KGD4: variants seen among roughly 807,000 people sequenced by gnomAD.
KGD4 encodes the protein alpha-ketoglutarate dehydrogenase component 4.
the KGD4 span, chr5:69,217,940 G>C: frequency 1.2e-6 from 2 of 1,612,544 alleles, no homozygotes; most frequent in East Asian, 2.2e-5. Flanking sequence ...GACGGCGTCG[G>C]GGAGTAAAGG....
At chr5:69,228,061 G>T in the KGD4 span, 2 of 659,672 alleles carry the variant, frequency 3.0e-6, no homozygotes, top group Non-Finnish European at 4.8e-6. Context: ...TTTACCTTTT[G>T]GAATTATAAT....
chr5:69,222,688 C>T, the KGD4 span, among the ~76,000 whole-genome samples: 1 of 151,910 alleles, frequency 6.6e-6, no homozygotes, highest in African/African-American at 2.4e-5. Context: ...GAGCCACTGA[C>T]CTCAGCCAGT....
the KGD4 span, among the ~76,000 whole-genome samples, chr5:69,219,246 T>A: frequency 3.0e-4 from 46 of 152,316 alleles, 1 homozygote; most frequent in East Asian, 8.9e-3. Flanking sequence ...GTTAAGCATG[T>A]ATCTACCGTA....
the KGD4 span, among the ~76,000 whole-genome samples, chr5:69,218,825 T>C: frequency 2.0e-5 from 3 of 152,220 alleles, no homozygotes; most frequent in Admixed American, 2.0e-4. Flanking sequence ...ATGATAATCC[T>C]AGATCCCAGT....
At chr5:69,222,520 G>T in the KGD4 span, among the ~76,000 whole-genome samples, 91,443 of 152,072 alleles carry the variant, frequency 0.6, 28,015 homozygotes, top group African/African-American at 0.72. Context: ...GAGTGCCAAA[G>T]AAGAGTTTGA....
the KGD4 span, chr5:69,228,508 G>C: frequency 1.0e-6 from 1 of 986,160 alleles, no homozygotes; most frequent in East Asian, 2.6e-5. Flanking sequence ...TCAGAGCTAA[G>C]ACAGGATGGT....
the KGD4 span, among the ~76,000 whole-genome samples, chr5:69,218,309 T>TGTCC: frequency 6.6e-6 from 1 of 152,202 alleles, no homozygotes; most frequent in Non-Finnish European, 1.5e-5. Context: ...TCTGACCCAC[T>TGTCC]GTCCCTTCAA....
chr5:69,224,930 C>T, the KGD4 span, among the ~76,000 whole-genome samples: 2 of 151,588 alleles, frequency 1.3e-5, no homozygotes, highest in Non-Finnish European at 2.9e-5. Context: ...AAAAACTAGC[C>T]GGGCGTGGTG....
chr5:69,226,585 G>A, the KGD4 span, among the ~76,000 whole-genome samples: 1 of 152,102 alleles, frequency 6.6e-6, no homozygotes, highest in East Asian at 1.9e-4. Flanking sequence ...GGTGGCTCAC[G>A]CCTGTCATCC....
At chr5:69,218,543 G>A in the KGD4 span, among the ~76,000 whole-genome samples, 1 of 151,644 alleles carries the variant, frequency 6.6e-6, no homozygotes, top group Non-Finnish European at 1.5e-5. Context: ...GGTTTAGATA[G>A]ACAGCTAAAG....
At chr5:69,224,443 TTTC>T in the KGD4 span, among the ~76,000 whole-genome samples, 3 of 152,310 alleles carry the variant, frequency 2.0e-5, no homozygotes, top group East Asian at 5.8e-4. Context: ...ATTATAGTGT[TTTC>T]TTCTTTGTGC....
chr5:69,226,508 A>G, the KGD4 span: 6 of 793,676 alleles, frequency 7.6e-6, no homozygotes, highest in Non-Finnish European at 1.2e-5. Context: ...AGTTAAGACT[A>G]TTGTAGCTTA....
chr5:69,218,613 C>T, the KGD4 span, among the ~76,000 whole-genome samples: 1 of 152,084 alleles, frequency 6.6e-6, no homozygotes, highest in Non-Finnish European at 1.5e-5. Context: ...TTTGTTTCTT[C>T]AGCTGTGGTT....
the KGD4 span, among the ~76,000 whole-genome samples, chr5:69,223,357 G>A: frequency 6.6e-6 from 1 of 152,020 alleles, no homozygotes. Context: ...GGCATTACAG[G>A]TGTGAGCCAC....
At chr5:69,222,130 T>C in the KGD4 span, among the ~76,000 whole-genome samples, 1 of 151,894 alleles carries the variant, frequency 6.6e-6, no homozygotes, top group East Asian at 1.9e-4. Context: ...ACAGGAATGC[T>C]ACTGCAGAAG....
chr5:69,225,958 T>C, the KGD4 span, among the ~76,000 whole-genome samples: 1 of 152,306 alleles, frequency 6.6e-6, no homozygotes, highest in South Asian at 2.1e-4. Flanking sequence ...CTCAAACTCC[T>C]GCACTCACGC....
the KGD4 span, among the ~76,000 whole-genome samples, chr5:69,221,601 A>C: frequency 7.2e-5 from 11 of 152,236 alleles, no homozygotes; most frequent in Non-Finnish European, 1.5e-4. Flanking sequence ...CACGTTCTTC[A>C]CAAACATTAA....
At chr5:69,222,406 G>A in the KGD4 span, among the ~76,000 whole-genome samples, 1 of 152,086 alleles carries the variant, frequency 6.6e-6, no homozygotes, top group African/African-American at 2.4e-5. Flanking sequence ...GGATGAATTG[G>A]GGAAAGGAAA....
the KGD4 span, among the ~76,000 whole-genome samples, chr5:69,219,975 A>C: frequency 7.2e-5 from 11 of 152,212 alleles, no homozygotes; most frequent in Non-Finnish European, 1.5e-4. Context: ...TATGCCTGTA[A>C]TCCCAACACT....
Sources: gnomAD v4.1 joint callset for allele counts (sites outside exome capture counted in the v4.1 genomes callset) on GRCh38, gnomAD v4.1.1 for gene constraint, MANE v1.5 for transcripts, NCBI Gene and HGNC (gene_info 2026-07-23, HGNC 2026-07-21) for gene names.